The following ERC2 variants were observed in gnomAD, a reference collection of about 807,000 sequenced individuals.
The protein encoded by ERC2 is ERC protein 2.
ERC2 carries 42 observed loss-of-function variants against 114.8 expected under a neutral mutation model. That is an observed-to-expected ratio of 0.37 (90% confidence interval 0.29 to 0.47). ERC2 has a LOEUF of 0.47. Ranked by LOEUF, ERC2 falls within the 20% of genes least tolerant of loss-of-function variation. The probability of loss-of-function intolerance (pLI) is 0.99; values close to 1 mark genes in which losing one functional copy is unlikely to be tolerated. For missense variants in ERC2, 939 were observed against 1,150.7 expected (o/e 0.82, Z 2.66); for synonymous variants, 454 against 425.5 (o/e 1.07, Z -0.82).
chr3:56,139,666 A>G lies in ERC2; in HGVS notation c.1316T>C (p.Leu439Pro). Residue 439 changes from leucine to proline, a missense_variant, in exon 6 of 18, where the codon CTG (leucine) becomes CCG (proline). This residue lies in a region of ERC2 where 148 missense variants were observed against 159.1 expected (regional missense o/e 0.93). Transcript: ENST00000288221. ...CTCTTTCTTTGAAAGTTCCTGCTTC[A>G]GCTGATCAATCTGCAAAACAACAAC... is the stretch of plus-strand genomic sequence containing the variant. ...SKFMKTKIDQ[L>P]KQELSKKESE... 6.2e-7 allele frequency: 1 copy of G among 1,600,728 alleles called. No homozygotes were observed. Among genetic ancestry groups the G allele is most frequent in the Non-Finnish European group, 8.5e-7 (1 of 1,172,758 alleles).
chr3:56,019,439 C>T (rs767029545), intron 7 of ERC2, among the ~76,000 whole-genome samples: 60 of 152,148 alleles, frequency 3.9e-4, no homozygotes, highest in African/African-American at 1.2e-3. Flanking sequence ...CCATTCTGCA[C>T]CAAGTACCAT....
intron 17 of ERC2, among the ~76,000 whole-genome samples, chr3:55,512,149 T>C (rs1168054826): frequency 6.6e-6 from 1 of 152,322 alleles, no homozygotes; most frequent in Non-Finnish European, 1.5e-5. Flanking sequence ...GTGGTTGATA[T>C]GCAGCATTTT....
chr3:55,722,067 C>T (rs1357552907), intron 15 of ERC2, among the ~76,000 whole-genome samples: 1 of 152,144 alleles, frequency 6.6e-6, no homozygotes, highest in Non-Finnish European at 1.5e-5. Context: ...TCTGGGATGA[C>T]CACCTCTCTA....
chr3:56,405,684 T>C (rs1055594340), intron 2 of ERC2, among the ~76,000 whole-genome samples: 6 of 151,962 alleles, frequency 3.9e-5, no homozygotes, highest in Admixed American at 2.0e-4. Context: ...GATGAAGAAA[T>C]AGATTAAATG....
At chr3:55,577,976 G>A (rs1188331620) in intron 17 of ERC2, among the ~76,000 whole-genome samples, 8 of 152,166 alleles carry the variant, frequency 5.3e-5, no homozygotes, top group African/African-American at 1.9e-4. Flanking sequence ...AGAGAAAGGG[G>A]ACGTGGCCCC....
chr3:55,597,282 T>C (rs1396166762), intron 17 of ERC2, among the ~76,000 whole-genome samples: 1 of 151,954 alleles, frequency 6.6e-6, no homozygotes, highest in East Asian at 1.9e-4. Flanking sequence ...TAGCCGGGTG[T>C]GGTGGCAGGT....
intron 2 of ERC2, among the ~76,000 whole-genome samples, chr3:56,431,654 A>C (rs1420638434): frequency 6.6e-6 from 1 of 152,194 alleles, no homozygotes; most frequent in South Asian, 2.1e-4. Flanking sequence ...ATCCTAATAT[A>C]CTTCCAAAAA....
chr3:56,086,263 T>TCC (rs1033357050), intron 6 of ERC2, among the ~76,000 whole-genome samples: 7 of 152,042 alleles, frequency 4.6e-5, no homozygotes, highest in Non-Finnish European at 1.0e-4. Flanking sequence ...AGAATATTTC[T>TCC]CCAGAAACAA....
At chr3:55,833,548 C>T (rs1361918522) in intron 14 of ERC2, among the ~76,000 whole-genome samples, 1 of 152,138 alleles carries the variant, frequency 6.6e-6, no homozygotes, top group Non-Finnish European at 1.5e-5. Context: ...CCTTTACAGA[C>T]AAGCAAATGC....
intron 14 of ERC2, among the ~76,000 whole-genome samples, chr3:55,807,826 C>T (rs1029045720): frequency 2.6e-5 from 4 of 152,156 alleles, no homozygotes; most frequent in Non-Finnish European, 5.9e-5. Flanking sequence ...AACACATGGG[C>T]TTTTCAGGCT....
intron 3 of ERC2, among the ~76,000 whole-genome samples, chr3:56,191,731 G>A (rs1444066309): frequency 1.3e-5 from 2 of 152,018 alleles, no homozygotes; most frequent in South Asian, 2.1e-4. Context: ...TCCCCTGACT[G>A]CAGTCACACT....
At chr3:55,748,353 T>C (rs1316579305) in intron 14 of ERC2, among the ~76,000 whole-genome samples, 1 of 152,138 alleles carries the variant, frequency 6.6e-6, no homozygotes, top group Non-Finnish European at 1.5e-5. Flanking sequence ...TCACCACATA[T>C]TTACTGAGTG....
intron 15 of ERC2, among the ~76,000 whole-genome samples, chr3:55,704,216 A>G (rs1306489809): frequency 6.6e-6 from 1 of 152,226 alleles, no homozygotes; most frequent in Non-Finnish European, 1.5e-5. Flanking sequence ...AAAATCCTTG[A>G]TCGACTAGTA....
At chr3:56,463,932 C>T (rs1318168915) in intron 1 of ERC2, among the ~76,000 whole-genome samples, 1 of 152,212 alleles carries the variant, frequency 6.6e-6, no homozygotes, top group African/African-American at 2.4e-5. Flanking sequence ...TCTTGGAACA[C>T]AGTAGGTTCT....
At chr3:56,351,876 C>T (rs2058566223) in intron 2 of ERC2, among the ~76,000 whole-genome samples, 1 of 152,192 alleles carries the variant, frequency 6.6e-6, no homozygotes, top group Non-Finnish European at 1.5e-5. Context: ...TCACAATCTG[C>T]TGGGCAATTA....
chr3:55,894,790 T>G (rs1007666473), intron 13 of ERC2, among the ~76,000 whole-genome samples: 1 of 152,152 alleles, frequency 6.6e-6, no homozygotes, highest in Non-Finnish European at 1.5e-5. Context: ...ATGACATAAC[T>G]TAGCTCAAAG....
At chr3:56,110,691 T>A (rs1031196291) in intron 6 of ERC2, among the ~76,000 whole-genome samples, 1 of 152,188 alleles carries the variant, frequency 6.6e-6, no homozygotes, top group African/African-American at 2.4e-5. Context: ...ACAAGGGGAA[T>A]TATAAATTAT....
At chr3:55,535,287 A>C (rs982769859) in intron 17 of ERC2, among the ~76,000 whole-genome samples, 5 of 152,208 alleles carry the variant, frequency 3.3e-5, no homozygotes, top group Non-Finnish European at 7.3e-5. Flanking sequence ...CTACTGTACA[A>C]AAATAAATGG....
chr3:56,358,614 A>C (rs374645967), intron 2 of ERC2, among the ~76,000 whole-genome samples: 1 of 152,262 alleles, frequency 6.6e-6, no homozygotes, highest in East Asian at 1.9e-4. Flanking sequence ...AAAAATGTGC[A>C]ACAGATACAC....
Sources: gnomAD v4.1 joint callset for allele counts (sites outside exome capture counted in the v4.1 genomes callset) on GRCh38, gnomAD v4.1.1 for gene constraint, gnomAD v4.1.1 regional missense constraint, MANE v1.5 for transcripts, NCBI Gene and HGNC (gene_info 2026-07-23, HGNC 2026-07-21) for gene names.